OSBPL7: variants seen among roughly 807,000 people sequenced by gnomAD.
The protein encoded by OSBPL7 is oxysterol binding protein like 7, also known as oxysterol-binding protein-related protein 7.
In OSBPL7, 66 loss-of-function variants were observed where a neutral mutation model predicts 115.8. The ratio of observed to expected loss-of-function variants is 0.57; its 90% CI spans 0.47 to 0.70. OSBPL7 has a LOEUF of 0.70. Ranked by LOEUF, OSBPL7 falls within the 30% of genes least tolerant of loss-of-function variation. OSBPL7 has a pLI of 0.00. For missense variants in OSBPL7, 902 were observed against 1,125.5 expected (o/e 0.80, Z 2.84); for synonymous variants, 441 against 439.2 (o/e 1.00, Z -0.05).
In OSBPL7 at chr17:47,817,328, T is replaced by G. The variant is rs750731952; in HGVS notation, c.630A>C (p.Glu210Asp). Residue 210 changes from glutamate to aspartate, a missense_variant, in exon 8 of 23, where the codon GAA becomes GAC. Physicochemically the swap from Glu to Asp is conservative, Grantham distance 45 (BLOSUM62 2). Coordinates refer to ENST00000007414, the MANE Select transcript of OSBPL7 (RefSeq NM_145798.3). The part of the protein sequence containing the change: ...ELSECQGKLQ[E>D]LHRLLQSLES... ...CCAGGCTCTGGAGGAGCCTGTGTAG[T>G]TCCTGGAGCTTCCCCTGACACTCAG... is the stretch of plus-strand genomic sequence containing the variant. 1 of 1,604,294 alleles carries G rather than the reference T, an allele frequency of 6.2e-7. No individual in the cohort carries two copies. The highest frequency in any genetic ancestry group is 1.1e-5 in the South Asian group (1 of 89,356).
rs749735132 is a variant in OSBPL7, at chr17:47,809,906, C to CT, written c.1881-429dup. Among the ~76,000 whole-genome samples, 49 of 127,352 alleles carry CT rather than the reference C, an allele frequency of 3.8e-4. 1 individual carries two copies. Among genetic ancestry groups the CT allele is most frequent in the African/African-American group, 1.3e-3 (43 of 32,342 alleles). The allele number at this position is 127,352 out of a possible 152,430, so 83.5% of individuals were successfully genotyped here. A position where few individuals can be genotyped will look rare whatever the true frequency, so the allele number is the denominator to read the frequency against. On this transcript the variant is annotated intron_variant, in intron 18 of 22. Transcript: ENST00000007414. ...TCACTATTTTCTTTTCTTTTCTTTT[C>CT]TTTTCTTTTTTTTTTTTTTTTGAGA... is the stretch of plus-strand genomic sequence containing the variant.
chr17:47,820,025 C>A lies in OSBPL7; in HGVS notation c.147G>T (p.Arg49Ser). ...TCTTCTTGAGCAGGTGACCTTCCTG[C>A]CTCTCAGGCATGACACCCTCTGTCC... Reference protein sequence around the residue: ...RLGTEGVMPERQEGHLLKKRK... With the variant: ...RLGTEGVMPESQEGHLLKKRK... The change falls in exon 3 of 23, where the codon AGG becomes AGT. Residue 49 changes from arginine to serine, a missense_variant. This residue lies in a region of OSBPL7 where 667 missense variants were observed against 788.7 expected (regional missense o/e 0.85). Transcript: ENST00000007414. The A allele has an allele frequency of 1.2e-6, 2 of 1,611,294 alleles. No homozygotes were observed. The highest frequency in any genetic ancestry group is 1.7e-6 in the Non-Finnish European group (2 of 1,179,550).
chr17:47,809,306 A>T (rs2032961013), intron 19 of OSBPL7, 28 bp downstream of exon 19: 1 of 1,611,304 alleles, frequency 6.2e-7, no homozygotes, highest in African/African-American at 1.3e-5. Flanking sequence ...CCGGGGATGG[A>T]TGGGCAGGGT....
chr17:47,817,879 G>T (rs754794618), intron 7 of OSBPL7, among the ~76,000 whole-genome samples: 6 of 152,148 alleles, frequency 3.9e-5, no homozygotes, highest in Non-Finnish European at 5.9e-5. Flanking sequence ...GCAGACTGGG[G>T]ATGTGCTCAC....
At chr17:47,813,452 C>A in intron 15 of OSBPL7, 49 bp from the exon 16 acceptor site, 1 of 1,609,884 alleles carries the variant, frequency 6.2e-7, no homozygotes, top group East Asian at 2.2e-5. Flanking sequence ...GGCCGCCACC[C>A]CAAGCAAGCA....
chr17:47,818,861 C>T (rs2143558928), intron 5 of OSBPL7, 125 bp downstream of exon 5: 1 of 921,666 alleles, frequency 1.1e-6, no homozygotes, highest in South Asian at 1.6e-5. Context: ...AGGATGGAAA[C>T]TTACTTTTTG....
Position 47,820,838 on chromosome 17 carries a change from C to A in OSBPL7, c.-87-473G>T, listed in dbSNP as rs72833433. 929 of 152,316 alleles carry A rather than the reference C, an allele frequency of 6.1e-3. 4 individuals are homozygous for A. The highest frequency in any genetic ancestry group is 0.011 in the Non-Finnish European group (717 of 68,092). The allele number at this position is 152,316 out of a possible 1,614,324, so 9.4% of individuals were successfully genotyped here. A position where few individuals can be genotyped will look rare whatever the true frequency, so the allele number is the denominator to read the frequency against. Reference sequence around the variant, plus strand: ...AGCTCAGAGACTTCTCTGCCATGATCTTGCAGAAAACTCCCCAGCCTCCCA... The same window carrying A: ...AGCTCAGAGACTTCTCTGCCATGATATTGCAGAAAACTCCCCAGCCTCCCA... On this transcript the variant is annotated intron_variant, in intron 1 of 22. Coordinates refer to ENST00000007414, the MANE Select transcript of OSBPL7 (RefSeq NM_145798.3).
Position 47,820,259 on chromosome 17 carries a change from T to A in OSBPL7, c.20A>T (p.Asp7Val). Residue 7 changes from aspartate (D) to valine (V), a missense_variant, in exon 2 of 23, where the codon GAC (aspartate) becomes GTC (valine). By Grantham distance (152) the Asp-to-Val change is radical. This residue lies in a region of OSBPL7 where 667 missense variants were observed against 788.7 expected (regional missense o/e 0.85). Coordinates refer to ENST00000007414, the MANE Select transcript of OSBPL7 (RefSeq NM_145798.3). ...AGCGCTCTCAGGCAGGAAGGGCGGGTCCCTCTCTTGGAAGTCCATGGAGAA... is the reference window on the plus strand; with the variant it reads ...AGCGCTCTCAGGCAGGAAGGGCGGGACCCTCTCTTGGAAGTCCATGGAGAA... MDFQER[D>V]PPFLPESAQS... is the part of the protein sequence containing the mutation. 1 of 1,613,570 alleles carries A rather than the reference T, an allele frequency of 6.2e-7. No homozygotes were observed. The highest frequency in any genetic ancestry group is 8.5e-7 in the Non-Finnish European group (1 of 1,179,860).
intron 18 of OSBPL7, 34 bp from the exon 19 acceptor site, chr17:47,809,512 T>G (rs573665045): frequency 6.3e-7 from 1 of 1,594,546 alleles, no homozygotes; most frequent in East Asian, 2.3e-5. Flanking sequence ...GGCAGCTGGC[T>G]GGCCCCAGGG....
chr17:47,820,209 G>T lies in OSBPL7; in HGVS notation c.70C>A (p.Gln24Lys). The T allele has an allele frequency of 6.2e-7, 1 of 1,614,018 alleles. No homozygotes were observed. The highest frequency in any genetic ancestry group is 8.5e-7 in the Non-Finnish European group (1 of 1,179,972). ...CCGCTTTCCCACTCTCTGACCTGCT[G>T]AGCACTGCTGGGCTTTGAGGACTGA... ...SAQSSKPSSA[Q>K]QASELWEVVE... is the part of the protein sequence containing the mutation. Residue 24 changes from glutamine to lysine, a missense_variant, in exon 2 of 23, where the codon CAG becomes AAG. Physicochemically the swap from Gln to Lys is moderately conservative, Grantham distance 53. Around this residue, in one of 3 missense-constraint regions of OSBPL7, gnomAD observed 667 missense variants for 788.7 expected, o/e 0.85. Transcript: ENST00000007414.
chr17:47,810,824 G>T lies in OSBPL7; in HGVS notation c.1749C>A (p.His583Gln). 6.2e-7 allele frequency: 1 copy of T among 1,613,732 alleles called. No homozygotes were observed. The highest frequency in any genetic ancestry group is 8.5e-7 in the Non-Finnish European group (1 of 1,179,932). ...FRFISEQVSH[H>Q]PPISACHAES... ...CTGCATGGCAGGCCGAGATAGGGGG[G>T]TGGTGGGAGACCTTGGTGAGCAAAG... Residue 583 changes from histidine to glutamine, a missense_variant, in exon 17 of 23, where the codon CAC (histidine) becomes CAA (glutamine). His to Gln is a conservative substitution (Grantham distance 24). Around this residue, in one of 3 missense-constraint regions of OSBPL7, gnomAD observed 667 missense variants for 788.7 expected, o/e 0.85. Transcript: ENST00000007414.
At position 47,818,296 on chromosome 17, in the gene OSBPL7, T is replaced by C; in HGVS notation, c.571A>G (p.Ser191Gly). ...TGAGAGCAGCGGTCCAGCCCATCAC[T>C]GTCCCTCAGCCAGGAAGACACTTTC... ...REKVSSWLRD[S>G]DGLDRCSHEL... Residue 191 changes from serine to glycine, a missense_variant, in exon 7 of 23, where the codon AGT becomes GGT. Ser to Gly is a moderately conservative substitution (Grantham distance 56). Coordinates refer to ENST00000007414, the MANE Select transcript of OSBPL7 (RefSeq NM_145798.3). The C allele has an allele frequency of 6.2e-7, 1 of 1,614,040 alleles. No individual in the cohort carries two copies. Among genetic ancestry groups the C allele is most frequent in the Non-Finnish European group, 8.5e-7 (1 of 1,179,946 alleles).
intron 7 of OSBPL7, 148 bp downstream of exon 7, chr17:47,818,120 AG>A (rs2033281733): frequency 3.0e-6 from 2 of 667,566 alleles, no homozygotes; most frequent in East Asian, 5.5e-5. Context: ...TCCCCTAGAC[AG>A]GGCCCAGGTA....
intron 16 of OSBPL7, 84 bp from the exon 17 acceptor site, chr17:47,810,919 C>A: frequency 2.2e-6 from 3 of 1,347,808 alleles, no homozygotes; most frequent in Non-Finnish European, 2.1e-6. Flanking sequence ...CCCCTAGTTC[C>A]CCTAAGTACC....
At chr17:47,814,788 G>T (rs2033162392) in intron 13 of OSBPL7, 174 bp from the exon 14 acceptor site, 1 of 631,594 alleles carries the variant, frequency 1.6e-6, no homozygotes, top group Non-Finnish European at 2.7e-6. Flanking sequence ...GCATCACGGA[G>T]TGTGCCCAGC....
chr17:47,813,434 G>A, intron 15 of OSBPL7, 31 bp from the exon 16 acceptor site: 1 of 1,613,042 alleles, frequency 6.2e-7, no homozygotes, highest in Non-Finnish European at 8.5e-7. Flanking sequence ...GCAGGGTACT[G>A]AGGACGGGGC....
Position 47,816,493 on chromosome 17 carries a change from T to A in OSBPL7, c.929-11A>T, listed in dbSNP as rs1387605624. 2 of 1,549,298 alleles carry A rather than the reference T, an allele frequency of 1.3e-6. No homozygotes were observed. Among genetic ancestry groups the A allele is most frequent in the South Asian group, 2.4e-5 (2 of 82,748 alleles). On this transcript the variant is annotated splice_polypyrimidine_tract_variant and intron_variant, in intron 10 of 22. Coordinates refer to ENST00000007414, the MANE Select transcript of OSBPL7 (RefSeq NM_145798.3). This position sits in a 1 kb window ranked among gnomAD's most constrained non-coding sequence, Gnocchi z 5.8. ...TGAGGGAGCTGTGCACTACAGGGAGTGGGGCAGACCATCAGAGTCCTCGCT... is the reference window on the plus strand; with the variant it reads ...TGAGGGAGCTGTGCACTACAGGGAGAGGGGCAGACCATCAGAGTCCTCGCT...
Position 47,809,184 on chromosome 17 carries a change from C to T in OSBPL7, c.2062G>A (p.Gly688Ser). 1 of 1,614,170 alleles carries T rather than the reference C, an allele frequency of 6.2e-7. No homozygotes were observed. The highest frequency in any genetic ancestry group is 8.5e-7 in the Non-Finnish European group (1 of 1,180,030). ...CGGCCACTCCGACTGAGCACAGCGC[C>T]CTGCACCTCGTGGACATTGGAACTC... Reference protein sequence around the residue: ...YWSSNVHEVQGAVLSRSGRVL... With the variant: ...YWSSNVHEVQSAVLSRSGRVL... The change falls in exon 20 of 23, where the codon GGC becomes AGC. Residue 688 changes from glycine (G) to serine (S), a missense_variant. Transcript: ENST00000007414.
At position 47,810,682 on chromosome 17, in the gene OSBPL7, G is replaced by C. The variant is rs768806049; in HGVS notation, c.1802-10C>G. On this transcript the variant is annotated splice_polypyrimidine_tract_variant and intron_variant, in intron 17 of 22. Transcript: ENST00000007414. The stretch of plus-strand genomic sequence containing the variant: ...TTCTTCCACTTCATATCTGGAATTG[G>C]ATTAGGGGAGGGAGAGTGAACAACA... The C allele has an allele frequency of 1.9e-6, 3 of 1,613,910 alleles. No individual in the cohort carries two copies. The highest frequency in any genetic ancestry group is 1.6e-4 in the Middle Eastern group (1 of 6,062).
Sources: allele counts gnomAD v4.1 joint callset (sites outside exome capture counted in the v4.1 genomes callset), GRCh38; gene constraint gnomAD v4.1.1; regional missense constraint gnomAD v4.1.1; non-coding constraint Gnocchi (gnomAD v3.1); transcripts MANE v1.5; gene names NCBI Gene and HGNC (gene_info 2026-07-23, HGNC 2026-07-21).